CALN1: variants seen among roughly 807,000 people sequenced by gnomAD.
CALN1 encodes the protein calneuron 1.
CALN1 carries 17 observed loss-of-function variants against 30.6 expected under a neutral mutation model. The observed-to-expected ratio is 0.56, with a 90% CI of 0.38 to 0.83. CALN1 has a LOEUF of 0.83. Ranked by LOEUF, CALN1 falls within the 40% of genes least tolerant of loss-of-function variation. The pLI is 0.00. For synonymous variants in CALN1, 156 were observed against 131.4 expected (o/e 1.19, Z -1.28); for missense variants, 291 against 354.9 (o/e 0.82, Z 1.45).
intron 2 of CALN1, among the ~76,000 whole-genome samples, chr7:72,341,593 T>C (rs1427188954): frequency 6.6e-6 from 1 of 152,132 alleles, no homozygotes; most frequent in Non-Finnish European, 1.5e-5. Flanking sequence ...AAGTTCCTGG[T>C]AAAATGTGGG....
intron 1 of CALN1, among the ~76,000 whole-genome samples, chr7:72,411,151 G>A (rs1397484796): frequency 1.3e-5 from 2 of 152,012 alleles, no homozygotes; most frequent in Admixed American, 6.6e-5. Context: ...AGGTTTTACA[G>A]ATTTGAAAAA....
intron 4 of CALN1, among the ~76,000 whole-genome samples, chr7:72,070,066 G>T (rs2129538003): frequency 6.6e-6 from 1 of 152,252 alleles, no homozygotes; most frequent in Admixed American, 6.5e-5. Context: ...CTCTAGCCTT[G>T]ATCCATCCTA....
chr7:72,418,174 G>A (rs1193119996), intron 1 of CALN1, among the ~76,000 whole-genome samples: 1 of 149,296 alleles, frequency 6.7e-6, no homozygotes, highest in Non-Finnish European at 1.5e-5. Context: ...ATGTCCACAT[G>A]TACCCAATGT....
chr7:72,028,550 G>A (rs1025754155), intron 4 of CALN1, among the ~76,000 whole-genome samples: 3 of 152,246 alleles, frequency 2.0e-5, no homozygotes. Flanking sequence ...CCTATGGGCA[G>A]GGCCAACTAT....
intron 1 of CALN1, among the ~76,000 whole-genome samples, chr7:72,419,798 A>G (rs899668507): frequency 2.0e-5 from 3 of 152,192 alleles, no homozygotes; most frequent in Admixed American, 1.3e-4. Context: ...TGGAGACTAC[A>G]GGTACATGCA....
In CALN1 at chr7:72,177,625, C is replaced by A. The variant is rs370014102; in HGVS notation, c.245-71331G>T. ...ACCAAAAATACAAAAATTAGCTGGG[C>A]GTGGTGGTGCATGACTGTAATCCCA... On this transcript the variant is annotated intron_variant, in intron 3 of 6. Coordinates refer to ENST00000395275, the MANE Select transcript of CALN1 (RefSeq NM_031468.4). Among the ~76,000 whole-genome samples the A allele has an allele frequency of 1.3e-3, 202 of 151,706 alleles. 1 individual carries two copies. The Middle Eastern group carries it at 0.017, about 13-fold the overall frequency.
intron 5 of CALN1, among the ~76,000 whole-genome samples, chr7:71,849,915 G>A (rs1270690831): frequency 6.6e-6 from 1 of 152,120 alleles, no homozygotes; most frequent in Non-Finnish European, 1.5e-5. Context: ...TTAGAGAATT[G>A]AGCCATCGCA....
rs1225241759 is a variant in CALN1 at position 72,403,447 on chromosome 7, A to G, written c.-73-5T>C. Reference sequence around the variant, plus strand: ...GTCAGCGAAGGCACTGAGACTCTGAAAGGAGTTGACAGAAACTTACAGCCT... The same window carrying G: ...GTCAGCGAAGGCACTGAGACTCTGAGAGGAGTTGACAGAAACTTACAGCCT... On this transcript the variant is annotated splice_region_variant and splice_polypyrimidine_tract_variant and intron_variant, in intron 1 of 6. Coordinates refer to ENST00000395275, the MANE Select transcript of CALN1 (RefSeq NM_031468.4). The G allele has an allele frequency of 2.5e-6, 3 of 1,201,636 alleles. No individual in the cohort carries two copies. The East Asian group carries it at 7.7e-5, about 31-fold the overall frequency. The allele number at this position is 1,201,636 out of a possible 1,614,324, so 74.4% of individuals were successfully genotyped here. A position where few individuals can be genotyped will look rare whatever the true frequency, so the allele number is the denominator to read the frequency against.
intron 1 of CALN1, among the ~76,000 whole-genome samples, chr7:72,445,524 G>T (rs569118448): frequency 1.1e-4 from 16 of 152,252 alleles, no homozygotes; most frequent in Non-Finnish European, 2.1e-4. Flanking sequence ...GTTTCTGTTT[G>T]CAGGAAACAT....
rs1005614403 is a variant in CALN1 at position 72,226,058 on chromosome 7, T to C, written c.244+52628A>G. 2.8e-5 allele frequency among the ~76,000 whole-genome samples: 4 copies of C among 143,204 alleles called. No individual in the cohort carries two copies. The East Asian group carries it at 8.3e-4, about 30-fold the overall frequency. The allele number at this position is 143,204 out of a possible 152,430, so 93.9% of individuals were successfully genotyped here. On this transcript the variant is annotated intron_variant, in intron 3 of 6. Transcript: ENST00000395275. ...TTGCAGTGAGCCGAGATTGCGCCAC[T>C]GCACTCCAGCCTGGTGACAGAGCGA...
intron 6 of CALN1, among the ~76,000 whole-genome samples, chr7:71,792,421 G>A (rs1786621556): frequency 6.6e-6 from 1 of 152,016 alleles, no homozygotes; most frequent in Non-Finnish European, 1.5e-5. Context: ...TGCTTCCCTG[G>A]GGCGATTTAA....
At chr7:72,391,808 C>A (rs1272002808) in intron 2 of CALN1, among the ~76,000 whole-genome samples, 1 of 152,152 alleles carries the variant, frequency 6.6e-6, no homozygotes, top group Non-Finnish European at 1.5e-5. Flanking sequence ...CCACATGGAA[C>A]TGTGGGTCCA....
At chr7:72,174,779 C>T (rs755660441) in intron 3 of CALN1, among the ~76,000 whole-genome samples, 1 of 152,134 alleles carries the variant, frequency 6.6e-6, no homozygotes, top group South Asian at 2.1e-4. Flanking sequence ...TTGCAAGGAC[C>T]ATCATGGAAT....
intron 5 of CALN1, among the ~76,000 whole-genome samples, chr7:71,909,424 T>C (rs959054807): frequency 6.6e-6 from 1 of 151,898 alleles, no homozygotes; most frequent in Non-Finnish European, 1.5e-5. Flanking sequence ...TTCCTCCTTA[T>C]ACAAACACTT....
intron 3 of CALN1, among the ~76,000 whole-genome samples, chr7:72,154,988 C>T (rs1382443677): frequency 6.6e-6 from 1 of 151,374 alleles, no homozygotes; most frequent in Non-Finnish European, 1.5e-5. Flanking sequence ...GCCCAGGAGT[C>T]GGAGGCTGCA....
chr7:72,328,625 G>C (rs911607714), intron 2 of CALN1, among the ~76,000 whole-genome samples: 1 of 152,224 alleles, frequency 6.6e-6, no homozygotes, highest in African/African-American at 2.4e-5. Flanking sequence ...AAATAAGATG[G>C]TAGGGGAAAG....
the CALN1 span, among the ~76,000 whole-genome samples, chr7:72,477,838 T>A: frequency 6.6e-6 from 1 of 152,186 alleles, no homozygotes; most frequent in Non-Finnish European, 1.5e-5. Context: ...TTCATTGCCT[T>A]GCCAAGAGTC....
intron 2 of CALN1, among the ~76,000 whole-genome samples, chr7:72,314,318 T>C (rs532124163): frequency 1.3e-5 from 2 of 151,918 alleles, no homozygotes; most frequent in Non-Finnish European, 2.9e-5. Context: ...TTCTAAGCTA[T>C]GTGCAATACA....
intron 5 of CALN1, among the ~76,000 whole-genome samples, chr7:71,855,222 C>T (rs900794257): frequency 6.6e-6 from 1 of 152,128 alleles, no homozygotes; most frequent in Non-Finnish European, 1.5e-5. Context: ...CAGCATTACC[C>T]GAGTGCTGAT....
Sources: gnomAD v4.1 joint callset for allele counts (sites outside exome capture counted in the v4.1 genomes callset) on GRCh38, gnomAD v4.1.1 for gene constraint, MANE v1.5 for transcripts, NCBI Gene and HGNC (gene_info 2026-07-23, HGNC 2026-07-21) for gene names.